The following ELMO1 variants were observed in gnomAD, a reference collection of about 807,000 sequenced individuals.
The protein encoded by ELMO1 is engulfment and cell motility 1, also known as engulfment and cell motility protein 1.
Under a neutral mutation model 98.9 loss-of-function variants are expected in ELMO1, and 26 were observed. That is an observed-to-expected ratio of 0.26 (90% CI 0.19 to 0.36). ELMO1 has a LOEUF of 0.36. Ranked by LOEUF, ELMO1 falls within the 10% of genes least tolerant of loss-of-function variation. ELMO1 has a pLI of 1.00. For missense variants in ELMO1, 627 were observed against 935.2 expected, an observed-to-expected ratio of 0.67 and a Z score of 4.30; for synonymous variants, 346 against 346.0, an observed-to-expected ratio of 1.00 and a Z score of 0.00.
chr7:37,351,317 T>A (rs1260537821), intron 1 of ELMO1: 2 of 152,154 alleles, frequency 1.3e-5, no homozygotes, highest in African/African-American at 4.8e-5. Flanking sequence ...TTAATAAGGA[T>A]CTCATAAATT....
chr7:37,091,339 T>C (rs1438763713), intron 15 of ELMO1, among the ~76,000 whole-genome samples: 1 of 152,156 alleles, frequency 6.6e-6, no homozygotes, highest in Non-Finnish European at 1.5e-5. Flanking sequence ...ACTCCTGACC[T>C]CAGGTGATCC....
At chr7:36,954,175 C>G (rs749932825) in intron 16 of ELMO1, among the ~76,000 whole-genome samples, 3 of 152,076 alleles carry the variant, frequency 2.0e-5, no homozygotes, top group Non-Finnish European at 4.4e-5. Context: ...TCTCACAGAG[C>G]CTCAAGCACT....
chr7:37,447,747 C>CACACACACAT (rs1562698710), intron 1 of ELMO1, among the ~76,000 whole-genome samples: 1 of 150,892 alleles, frequency 6.6e-6, no homozygotes, highest in African/African-American at 2.4e-5. Flanking sequence ...CACACACACA[C>CACACACACAT]ACGCCGCCTC....
At chr7:37,008,715 T>C (rs1281639927) in intron 16 of ELMO1, among the ~76,000 whole-genome samples, 1 of 152,138 alleles carries the variant, frequency 6.6e-6, no homozygotes, top group Non-Finnish European at 1.5e-5. Context: ...TTCTCAGACA[T>C]AGAGCTCTGG....
intron 14 of ELMO1, among the ~76,000 whole-genome samples, chr7:37,129,002 G>T (rs761914694): frequency 1.3e-5 from 2 of 152,124 alleles, no homozygotes; most frequent in Admixed American, 6.5e-5. Flanking sequence ...TCTTCAGACA[G>T]AACATGGCCT....
intron 13 of ELMO1, among the ~76,000 whole-genome samples, chr7:37,166,754 C>A (rs1427982153): frequency 6.6e-6 from 1 of 152,074 alleles, no homozygotes; most frequent in African/African-American, 2.4e-5. Flanking sequence ...AGCTTTACTT[C>A]CAACTATGTG....
chr7:36,854,363 A>G lies in ELMO1; in HGVS notation c.*1188T>C, dbSNP rs1023601210. On this transcript the variant is annotated 3_prime_UTR_variant, in exon 22 of 22. Coordinates refer to ENST00000310758, the MANE Select transcript of ELMO1 (RefSeq NM_014800.11). The stretch of plus-strand genomic sequence containing the variant: ...AATCAAAACACCAGCTCCCCAAATC[A>G]TCACAATCCATTTTATTCCACAGCA... 4 of 152,522 alleles carry G rather than the reference A, an allele frequency of 2.6e-5. No individual in the cohort carries two copies. The highest frequency in any genetic ancestry group is 7.2e-5 in the African/African-American group (3 of 41,432). 9.4% of individuals were successfully genotyped at this position (152,522 alleles called of 1,614,324 possible).
chr7:36,885,319 AAACAACAACAACAACAAC>A (rs143571798), intron 18 of ELMO1, among the ~76,000 whole-genome samples: 44 of 150,366 alleles, frequency 2.9e-4, no homozygotes, highest in African/African-American at 7.3e-4. Flanking sequence ...AACATTTTTT[AAACAACAACAACAACAAC>A]AACAACAACA....
chr7:36,899,292 T>C (rs1243772301), intron 16 of ELMO1, among the ~76,000 whole-genome samples: 1 of 152,174 alleles, frequency 6.6e-6, no homozygotes, highest in Non-Finnish European at 1.5e-5. Flanking sequence ...ATAAAGTATG[T>C]TGGGACGCTT....
In ELMO1 at chr7:36,926,921, C is replaced by T. The variant is rs540220734; in HGVS notation, c.1438-31904G>A. 4.6e-5 allele frequency among the ~76,000 whole-genome samples: 7 copies of T among 152,036 alleles called. No homozygotes were observed. The South Asian group carries it at 6.2e-4, about 14-fold the overall frequency. On this transcript the variant is annotated intron_variant, in intron 16 of 21. Transcript: ENST00000310758. ...TGTGTTAGAGAAAAATTAAAATCCCCGTAACTTATTTTTAAAGCAAACAAT... is the reference window on the plus strand; with the variant it reads ...TGTGTTAGAGAAAAATTAAAATCCCTGTAACTTATTTTTAAAGCAAACAAT...
chr7:37,290,552 C>A (rs557830627), intron 4 of ELMO1, among the ~76,000 whole-genome samples: 1 of 152,044 alleles, frequency 6.6e-6, no homozygotes, highest in African/African-American at 2.4e-5. Context: ...GCTTAAAACA[C>A]GTACAATTTA....
intron 1 of ELMO1, among the ~76,000 whole-genome samples, chr7:37,421,079 C>T (rs888346156): frequency 6.6e-6 from 1 of 152,222 alleles, no homozygotes; most frequent in Non-Finnish European, 1.5e-5. Flanking sequence ...CTGAGCAGTA[C>T]AGACTAACCT....
chr7:37,071,667 C>T (rs1446612974), intron 15 of ELMO1, among the ~76,000 whole-genome samples: 1 of 152,058 alleles, frequency 6.6e-6, no homozygotes, highest in Non-Finnish European at 1.5e-5. Flanking sequence ...AATTTGATAA[C>T]ATCTTCCTTT....
chr7:36,903,914 C>T (rs376305675), intron 16 of ELMO1, among the ~76,000 whole-genome samples: 19 of 152,306 alleles, frequency 1.2e-4, no homozygotes, highest in East Asian at 9.7e-4. Flanking sequence ...GTCAGATTGG[C>T]GGACAGGGGA....
intron 1 of ELMO1, among the ~76,000 whole-genome samples, chr7:37,415,590 A>G (rs1234358640): frequency 6.6e-6 from 1 of 152,230 alleles, no homozygotes; most frequent in Non-Finnish European, 1.5e-5. Flanking sequence ...ATAATAATTC[A>G]TATAAAGCAG....
intron 1 of ELMO1, among the ~76,000 whole-genome samples, chr7:37,406,211 T>TGC (rs1803751912): frequency 6.6e-6 from 1 of 151,838 alleles, no homozygotes; most frequent in Non-Finnish European, 1.5e-5. Context: ...ATAAAGATGG[T>TGC]ACAAGTGAAA....
At chr7:36,924,662 T>C (rs1447747190) in intron 16 of ELMO1, among the ~76,000 whole-genome samples, 1 of 152,114 alleles carries the variant, frequency 6.6e-6, no homozygotes, top group Non-Finnish European at 1.5e-5. Flanking sequence ...AAGTACAGTG[T>C]GCACTAAACT....
chr7:37,261,966 A>G (rs1795998833), intron 5 of ELMO1, among the ~76,000 whole-genome samples: 1 of 152,168 alleles, frequency 6.6e-6, no homozygotes, highest in Non-Finnish European at 1.5e-5. Flanking sequence ...CTCCTGGTTT[A>G]CAGTACCTAA....
At chr7:37,201,997 A>G (rs1792325725) in intron 13 of ELMO1, among the ~76,000 whole-genome samples, 1 of 152,178 alleles carries the variant, frequency 6.6e-6, no homozygotes, top group Non-Finnish European at 1.5e-5. Context: ...CCCTTTACCC[A>G]TGTCCCCCAA....
Sources: gnomAD v4.1 joint callset for allele counts (sites outside exome capture counted in the v4.1 genomes callset) on GRCh38, gnomAD v4.1.1 for gene constraint, MANE v1.5 for transcripts, NCBI Gene and HGNC (gene_info 2026-07-23, HGNC 2026-07-21) for gene names.